The following PCDHA12 variants were observed in gnomAD, a reference collection of about 807,000 sequenced individuals.
PCDHA12 encodes protocadherin alpha-12.
Under a neutral mutation model 60.0 loss-of-function variants are expected in PCDHA12, and 44 were observed. The observed-to-expected ratio is 0.73, with a 90% CI of 0.58 to 0.94. The LOEUF (loss-of-function observed/expected upper bound fraction) is 0.94, where lower values mean the gene tolerates loss of function less well. Ranked by LOEUF, PCDHA12 falls within the 40% of genes least tolerant of loss-of-function variation. The pLI, the probability that PCDHA12 is intolerant of heterozygous loss-of-function variation, is 0.00. For missense variants in PCDHA12, 1,276 were observed against 1,239.7 expected, an observed-to-expected ratio of 1.03 and a Z score of -0.44; for synonymous variants, 569 against 553.0, an observed-to-expected ratio of 1.03 and a Z score of -0.40.
chr5:140,966,845 C>T, intron 1 of PCDHA12: 2 of 1,570,442 alleles, frequency 1.3e-6, no homozygotes, highest in South Asian at 2.3e-5. Context: ...GCTGCTACTG[C>T]CTCTCCTGCT....
At chr5:140,993,538 A>T (rs1175611433) in intron 3 of PCDHA12, among the ~76,000 whole-genome samples, 1 of 151,668 alleles carries the variant, frequency 6.6e-6, no homozygotes, top group Non-Finnish European at 1.5e-5. Context: ...AGAGAGAGAG[A>T]TAGAGAAGTG....
At chr5:140,901,329 T>A (rs180738358) in intron 1 of PCDHA12, among the ~76,000 whole-genome samples, 102 of 152,302 alleles carry the variant, frequency 6.7e-4, no homozygotes, top group Admixed American at 1.2e-3. Context: ...TTTCTTGTAG[T>A]CGTTTTATAG....
At chr5:140,974,647 G>GATT (rs2096635431) in intron 1 of PCDHA12, among the ~76,000 whole-genome samples, 1 of 152,068 alleles carries the variant, frequency 6.6e-6, no homozygotes, top group African/African-American at 2.4e-5. Context: ...GAGTAGCTGA[G>GATT]ATTACAGGCA....
intron 1 of PCDHA12, among the ~76,000 whole-genome samples, chr5:140,948,646 G>T (rs1030231985): frequency 6.6e-6 from 1 of 151,616 alleles, no homozygotes; most frequent in South Asian, 2.1e-4. Context: ...ATCTTTTAAC[G>T]TCTGTATAAT....
chr5:140,941,421 A>T (rs1399072425), intron 1 of PCDHA12, among the ~76,000 whole-genome samples: 1 of 149,518 alleles, frequency 6.7e-6, no homozygotes, highest in Non-Finnish European at 1.5e-5. Flanking sequence ...GGTTCAAGCA[A>T]TTCTCTGCCT....
intron 1 of PCDHA12, among the ~76,000 whole-genome samples, chr5:140,945,224 T>G (rs1563213002): frequency 6.6e-6 from 1 of 152,016 alleles, no homozygotes; most frequent in Admixed American, 6.6e-5. Flanking sequence ...ATAAAAATAC[T>G]TAGGAATAAA....
At chr5:140,960,903 G>C (rs560284839) in intron 1 of PCDHA12, among the ~76,000 whole-genome samples, 3 of 152,308 alleles carry the variant, frequency 2.0e-5, no homozygotes, top group African/African-American at 7.2e-5. Context: ...GGCATATCTT[G>C]AGTTTCAGAT....
At chr5:140,999,486 A>G (rs1282748321) in intron 3 of PCDHA12, among the ~76,000 whole-genome samples, 1 of 152,144 alleles carries the variant, frequency 6.6e-6, no homozygotes, top group Non-Finnish European at 1.5e-5. Context: ...ACTCAAGTCT[A>G]TGTTACCCAA....
chr5:140,966,990 G>A, intron 1 of PCDHA12: 1 of 1,604,280 alleles, frequency 6.2e-7, no homozygotes, highest in Non-Finnish European at 8.5e-7. Context: ...TTGGGGCCGG[G>A]TTGCTTGCGC....
intron 1 of PCDHA12, among the ~76,000 whole-genome samples, chr5:140,974,566 C>T (rs2096631979): frequency 6.6e-6 from 1 of 152,138 alleles, no homozygotes; most frequent in African/African-American, 2.4e-5. Context: ...GGCTGGAGTG[C>T]AATGGCATGA....
At chr5:140,927,993 A>G (rs782756882) in intron 1 of PCDHA12, 66 of 1,614,068 alleles carry the variant, frequency 4.1e-5, no homozygotes, top group Non-Finnish European at 5.4e-5. Flanking sequence ...TAAAGGATGA[A>G]GACCTCGATT....
chr5:140,896,491 T>A (rs2065573741), intron 1 of PCDHA12, among the ~76,000 whole-genome samples: 1 of 152,042 alleles, frequency 6.6e-6, no homozygotes, highest in South Asian at 2.1e-4. Flanking sequence ...GCCTCCTGAG[T>A]AGCTGGGACT....
chr5:140,946,611 AATATATATAT>A (rs1554217734), intron 1 of PCDHA12, among the ~76,000 whole-genome samples: 3 of 86,806 alleles, frequency 3.5e-5, no homozygotes, highest in African/African-American at 1.3e-4. Flanking sequence ...GAAAATGTGA[AATATATATAT>A]ATATATATAT....
intron 1 of PCDHA12, among the ~76,000 whole-genome samples, chr5:140,936,014 T>C (rs1405282987): frequency 4.0e-5 from 6 of 151,334 alleles, no homozygotes; most frequent in Non-Finnish European, 8.8e-5. Flanking sequence ...CACCTCAGCC[T>C]CCCGAGTAGC....
chr5:140,921,631 T>A (rs1435281144), intron 1 of PCDHA12, among the ~76,000 whole-genome samples: 1 of 152,206 alleles, frequency 6.6e-6, no homozygotes, highest in East Asian at 1.9e-4. Flanking sequence ...ATCATCATTA[T>A]GGTAGCTATT....
At chr5:140,888,938 G>T (rs947628683) in intron 1 of PCDHA12, among the ~76,000 whole-genome samples, 1 of 151,864 alleles carries the variant, frequency 6.6e-6, no homozygotes, top group Admixed American at 6.6e-5. Flanking sequence ...TTTGAGGGAG[G>T]TATAAATTTT....
intron 1 of PCDHA12, chr5:140,884,152 T>A: frequency 6.2e-7 from 1 of 1,613,450 alleles, no homozygotes; most frequent in Non-Finnish European, 8.5e-7. Context: ...GGCTGTACAC[T>A]GGCGAGATCA....
At chr5:140,985,851 TG>T (rs1269261138) in intron 3 of PCDHA12, among the ~76,000 whole-genome samples, 1 of 149,322 alleles carries the variant, frequency 6.7e-6, no homozygotes, top group Non-Finnish European at 1.5e-5. Flanking sequence ...GCCACTCTCC[TG>T]CCTCAGCCTC....
At chr5:140,988,556 C>G (rs574182013) in intron 3 of PCDHA12, among the ~76,000 whole-genome samples, 2 of 152,158 alleles carry the variant, frequency 1.3e-5, no homozygotes, top group Non-Finnish European at 2.9e-5. Flanking sequence ...TCTTCATCTT[C>G]TTCTTGGGAA....
Sources: allele counts gnomAD v4.1 joint callset (sites outside exome capture counted in the v4.1 genomes callset), GRCh38; gene constraint gnomAD v4.1.1; transcripts MANE v1.5; gene names NCBI Gene and HGNC (gene_info 2026-07-23, HGNC 2026-07-21).